Variants in MAD1L1 observed in about 807,000 individuals in gnomAD.
MAD1L1 encodes mitotic spindle assembly checkpoint protein MAD1.
In MAD1L1, 95 loss-of-function variants were observed where a neutral mutation model predicts 96.9. That is an observed-to-expected ratio of 0.98 (90% CI 0.83 to 1.16). The LOEUF (loss-of-function observed/expected upper bound fraction) is 1.16, where lower values mean the gene tolerates loss of function less well. MAD1L1 is among the 50% of genes most tolerant of loss of function. The pLI is 0.00. For missense variants in MAD1L1, 1,007 were observed against 954.4 expected (o/e 1.06, Z -0.73); for synonymous variants, 473 against 396.6 (o/e 1.19, Z -2.29).
At chr7:2,033,073 T>C (rs1423308346) in intron 12 of MAD1L1, among the ~76,000 whole-genome samples, 2 of 152,228 alleles carry the variant, frequency 1.3e-5, no homozygotes, top group African/African-American at 2.4e-5. Flanking sequence ...TGACTGGCCA[T>C]GATAAACAGA....
chr7:2,221,368 T>C (rs1187654137), intron 5 of MAD1L1, among the ~76,000 whole-genome samples: 1 of 151,862 alleles, frequency 6.6e-6, no homozygotes. Context: ...CAATCACGCC[T>C]CCTCTCCTGC....
At chr7:1,938,177 C>T (rs545259579) in intron 16 of MAD1L1, among the ~76,000 whole-genome samples, 1 of 99,502 alleles carries the variant, frequency 1.0e-5, no homozygotes, top group Non-Finnish European at 2.0e-5. Context: ...CCCGACCTCA[C>T]GCCACACACA....
chr7:1,863,417 C>A (rs888578293), intron 18 of MAD1L1, among the ~76,000 whole-genome samples: 1 of 152,242 alleles, frequency 6.6e-6, no homozygotes, highest in African/African-American at 2.4e-5. Flanking sequence ...GGCGGGGAGA[C>A]CTCGCGGTCC....
chr7:1,950,585 AG>A (rs1174606054), intron 16 of MAD1L1, among the ~76,000 whole-genome samples: 6 of 152,240 alleles, frequency 3.9e-5, no homozygotes, highest in African/African-American at 1.4e-4. Flanking sequence ...ACTTGGGCTG[AG>A]GCCTGGCTCT....
At chr7:2,049,651 G>A (rs533720424) in intron 12 of MAD1L1, among the ~76,000 whole-genome samples, 1 of 152,354 alleles carries the variant, frequency 6.6e-6, no homozygotes, top group Non-Finnish European at 1.5e-5. Context: ...CTGGAGGGCA[G>A]GAGCCACCCA....
intron 12 of MAD1L1, among the ~76,000 whole-genome samples, chr7:2,027,161 G>C (rs1407793466): frequency 1.3e-5 from 2 of 149,714 alleles, no homozygotes; most frequent in Non-Finnish European, 3.0e-5. Context: ...ACTGAATAAA[G>C]AAAAAAAAAG....
At chr7:1,885,371 G>C (rs1395149161) in intron 18 of MAD1L1, among the ~76,000 whole-genome samples, 1 of 152,158 alleles carries the variant, frequency 6.6e-6, no homozygotes, top group African/African-American at 2.4e-5. Flanking sequence ...GCTCTGCCTA[G>C]AGAAAGATGG....
intron 11 of MAD1L1, among the ~76,000 whole-genome samples, chr7:2,082,819 C>A (rs3800889): frequency 6.6e-6 from 1 of 152,188 alleles, no homozygotes; most frequent in Non-Finnish European, 1.5e-5. Context: ...CCTCCGCCCA[C>A]GCCTGTGCGC....
At chr7:2,042,263 G>A (rs538112391) in intron 12 of MAD1L1, among the ~76,000 whole-genome samples, 10 of 144,990 alleles carry the variant, frequency 6.9e-5, no homozygotes, top group East Asian at 6.0e-4. Context: ...ACACACATAC[G>A]CACATGCACA....
Position 1,917,054 on chromosome 7 carries a change from C to T in MAD1L1, c.1808-18664G>A, listed in dbSNP as rs1465595965. ...ACTCCCCACTGCAGTTTTCCTCCTGCTTTTCCAGGACAAGGATGCCCACAG... is the reference window on the plus strand; with the variant it reads ...ACTCCCCACTGCAGTTTTCCTCCTGTTTTTCCAGGACAAGGATGCCCACAG... On this transcript the variant is annotated intron_variant, in intron 17 of 18. Transcript: ENST00000265854. 2.0e-5 allele frequency among the ~76,000 whole-genome samples: 3 copies of T among 152,206 alleles called. No homozygotes were observed. The East Asian group carries it at 5.8e-4, about 29-fold the overall frequency.
chr7:1,818,330 C>G (rs936987183), intron 18 of MAD1L1, among the ~76,000 whole-genome samples: 1 of 152,084 alleles, frequency 6.6e-6, no homozygotes, highest in African/African-American at 2.4e-5. Context: ...TCCAGGCACC[C>G]GCCTTCCCCG....
Position 2,222,598 on chromosome 7 carries a change from C to T in MAD1L1, c.448G>A (p.Asp150Asn). ...AASKRLREKE[D>N]SLAQAGETIN... ...ACCTCGCCAGCCTGGGCCAGACTGTCCTCTTTCTCACGCAGCCTCTTGCTG... is the reference window on the plus strand; with the variant it reads ...ACCTCGCCAGCCTGGGCCAGACTGTTCTCTTTCTCACGCAGCCTCTTGCTG... Residue 150 changes from aspartate to asparagine, a missense_variant, in exon 5 of 19, where the codon GAC becomes AAC. Asp to Asn is a conservative substitution (Grantham distance 23). Coordinates refer to ENST00000265854, the MANE Select transcript of MAD1L1 (RefSeq NM_001013836.2). The T allele has an allele frequency of 6.2e-7, 1 of 1,610,814 alleles. No homozygotes were observed.
At chr7:2,156,432 A>AC (rs1273883947) in intron 10 of MAD1L1, among the ~76,000 whole-genome samples, 2 of 150,838 alleles carry the variant, frequency 1.3e-5, no homozygotes, top group Non-Finnish European at 3.0e-5. Context: ...CTGAATCAAG[A>AC]CCCCCCTGAA....
intron 16 of MAD1L1, among the ~76,000 whole-genome samples, chr7:1,944,228 G>T (rs1368738372): frequency 2.0e-5 from 3 of 152,182 alleles, no homozygotes; most frequent in African/African-American, 7.2e-5. Flanking sequence ...GAGACAGCAG[G>T]GTGATGGATA....
At chr7:1,850,880 C>T (rs530182127) in intron 18 of MAD1L1, among the ~76,000 whole-genome samples, 2 of 152,180 alleles carry the variant, frequency 1.3e-5, no homozygotes, top group Admixed American at 6.5e-5. Context: ...GGAGGGCACA[C>T]CGAAACCTGC....
chr7:2,229,918 G>A, intron 3 of MAD1L1, 66 bp downstream of exon 3: 1 of 1,551,702 alleles, frequency 6.4e-7, no homozygotes, highest in Non-Finnish European at 8.7e-7. Flanking sequence ...CAGAAGACTG[G>A]AAGAGGTCCT....
At position 2,093,916 on chromosome 7, in the gene MAD1L1, A is replaced by G. The variant is rs371958455; in HGVS notation, c.1074-24578T>C. Among the ~76,000 whole-genome samples the G allele has an allele frequency of 2.0e-4, 31 of 152,266 alleles. No homozygotes were observed. In the East Asian group the frequency reaches 3.5e-3, roughly 17 times the overall value. On this transcript the variant is annotated intron_variant, in intron 11 of 18. Transcript: ENST00000265854. ...TGACGATGTCAGGTCGGCAGTCGGA[A>G]CCCCCAGAAGCTGCTCCCGAACTCA...
rs1236261297 is a variant in MAD1L1 at position 2,103,521 on chromosome 7, C to T, written c.1074-34183G>A. 6.6e-6 allele frequency among the ~76,000 whole-genome samples: 1 copy of T among 152,148 alleles called. No homozygotes were observed. The highest frequency in any genetic ancestry group is 1.5e-5 in the Non-Finnish European group (1 of 68,018). On this transcript the variant is annotated intron_variant, in intron 11 of 18. Transcript: ENST00000265854. The surrounding 1 kb of genome is among the most constrained non-coding windows in gnomAD (Gnocchi z 4.3). ...GCACAGCGGCGGGGCTCTCGACCAC[C>T]GTGCTCTTTGTTGGGCGGGGCAACC...
At chr7:2,127,486 G>A (rs1246760884) in intron 11 of MAD1L1, among the ~76,000 whole-genome samples, 2 of 152,210 alleles carry the variant, frequency 1.3e-5, no homozygotes, top group African/African-American at 4.8e-5. Context: ...CGGAGGAGCA[G>A]CTGCACACGG....
Sources: allele counts gnomAD v4.1 joint callset (sites outside exome capture counted in the v4.1 genomes callset), GRCh38; gene constraint gnomAD v4.1.1; non-coding constraint Gnocchi (gnomAD v3.1); transcripts MANE v1.5; gene names NCBI Gene and HGNC (gene_info 2026-07-23, HGNC 2026-07-21).